RCSD1: variants seen among roughly 807,000 people sequenced by gnomAD.
RCSD1 encodes RCSD domain containing 1, also known as capZ-interacting protein.
A neutral mutation model predicts 42.5 loss-of-function variants in RCSD1; 26 were observed. That is an observed-to-expected ratio of 0.61 (90% CI 0.45 to 0.85). RCSD1 has a LOEUF of 0.85. RCSD1 is among the 40% of genes least tolerant of loss of function. The probability of loss-of-function intolerance (pLI) is 0.00; values close to 1 mark genes in which losing one functional copy is unlikely to be tolerated. For missense variants in RCSD1, 571 were observed against 528.3 expected, an observed-to-expected ratio of 1.08 and a Z score of -0.79; for synonymous variants, 220 against 212.2, an observed-to-expected ratio of 1.04 and a Z score of -0.32.
intron 1 of RCSD1, among the ~76,000 whole-genome samples, chr1:167,632,281 C>G (rs1161155736): frequency 6.6e-6 from 1 of 152,220 alleles, no homozygotes; most frequent in African/African-American, 2.4e-5. Context: ...TGCAGATTCA[C>G]TATGATGTAT....
Position 167,690,099 on chromosome 1 carries a change from G to A in RCSD1, c.249G>A (p.Ser83=), listed in dbSNP as rs370824673. 4.5e-5 allele frequency: 72 copies of A among 1,613,928 alleles called. No individual in the cohort carries two copies. Among genetic ancestry groups the A allele is most frequent in the African/African-American group, 5.3e-5 (4 of 74,876 alleles). Residue 83 remains serine, a synonymous_variant, in exon 4 of 7, where the codon TCG becomes TCA. Transcript: ENST00000367854. ...CTCCTAAATTCAAGGTCAAGAGCTC[G>A]CCTCTGATTGAGAAGCTTCAGGTAA... The part of the protein sequence containing the change: ...SHPPKFKVKS[S]PLIEKLQANL...
At chr1:167,700,202 C>T (rs1366033389) in intron 6 of RCSD1, among the ~76,000 whole-genome samples, 2 of 152,132 alleles carry the variant, frequency 1.3e-5, no homozygotes, top group Non-Finnish European at 2.9e-5. Context: ...AGAAGAGGAA[C>T]TGATGTGTTT....
chr1:167,689,128 C>A (rs1246269415), intron 3 of RCSD1, among the ~76,000 whole-genome samples: 1 of 152,108 alleles, frequency 6.6e-6, no homozygotes, highest in Admixed American at 6.5e-5. Context: ...GAATCATGCT[C>A]ATCTTTGTAT....
chr1:167,669,488 A>C (rs1272219055), intron 1 of RCSD1, among the ~76,000 whole-genome samples: 1 of 152,256 alleles, frequency 6.6e-6, no homozygotes, highest in Non-Finnish European at 1.5e-5. Context: ...TGCAGCAGGC[A>C]GGGCCTCTTT....
intron 1 of RCSD1, among the ~76,000 whole-genome samples, chr1:167,660,061 C>T (rs1322321493): frequency 6.6e-6 from 1 of 152,230 alleles, no homozygotes; most frequent in Non-Finnish European, 1.5e-5. Flanking sequence ...TTTACCCCTT[C>T]AGGATAGATT....
chr1:167,673,799 G>GC (rs1385795745), intron 1 of RCSD1, among the ~76,000 whole-genome samples: 2 of 152,114 alleles, frequency 1.3e-5, no homozygotes, highest in Non-Finnish European at 2.9e-5. Context: ...GTACCAGCCA[G>GC]CCCCTGTGCC....
chr1:167,650,511 C>T (rs1012800152), intron 1 of RCSD1, among the ~76,000 whole-genome samples: 38 of 152,104 alleles, frequency 2.5e-4, no homozygotes, highest in Non-Finnish European at 2.9e-4. Flanking sequence ...TCCTGACTCT[C>T]GAGTGTTTGG....
chr1:167,681,355 C>T (rs1021468899), intron 1 of RCSD1, among the ~76,000 whole-genome samples: 4 of 152,274 alleles, frequency 2.6e-5, no homozygotes, highest in Admixed American at 2.6e-4. Flanking sequence ...CAGTCTTCTG[C>T]AACAGAGGAT....
intron 1 of RCSD1, among the ~76,000 whole-genome samples, chr1:167,637,761 C>T (rs1657897524): frequency 6.6e-6 from 1 of 152,108 alleles, no homozygotes; most frequent in Non-Finnish European, 1.5e-5. Flanking sequence ...CACACACACA[C>T]ACACCCCTTC....
intron 3 of RCSD1, among the ~76,000 whole-genome samples, chr1:167,687,499 G>C (rs1659265632): frequency 6.6e-6 from 1 of 151,368 alleles, no homozygotes; most frequent in South Asian, 2.1e-4. Flanking sequence ...CTCCAGCCTG[G>C]GTGACACAGC....
intron 3 of RCSD1, 90 bp downstream of exon 3, chr1:167,685,600 A>G (rs1338599637): frequency 7.0e-6 from 7 of 1,005,184 alleles, no homozygotes; most frequent in South Asian, 5.5e-5. Context: ...CACCAAACTC[A>G]TACTTTAAAG....
At chr1:167,689,655 G>C (rs1300819084) in intron 3 of RCSD1, among the ~76,000 whole-genome samples, 1 of 152,102 alleles carries the variant, frequency 6.6e-6, no homozygotes, top group Non-Finnish European at 1.5e-5. Context: ...TTGTGTGTGT[G>C]ACAAACAGGA....
At chr1:167,678,648 G>A (rs1571698168) in intron 1 of RCSD1, among the ~76,000 whole-genome samples, 1 of 152,198 alleles carries the variant, frequency 6.6e-6, no homozygotes, top group African/African-American at 2.4e-5. Context: ...CTCCTCCACA[G>A]ACAGCTCCTT....
At chr1:167,652,257 G>C (rs1256808789) in intron 1 of RCSD1, among the ~76,000 whole-genome samples, 1 of 152,212 alleles carries the variant, frequency 6.6e-6, no homozygotes, top group South Asian at 2.1e-4. Flanking sequence ...CCTGGCCTCA[G>C]GTGATCTGCC....
At chr1:167,665,231 T>C (rs1337099851) in intron 1 of RCSD1, among the ~76,000 whole-genome samples, 3 of 152,210 alleles carry the variant, frequency 2.0e-5, no homozygotes, top group Non-Finnish European at 4.4e-5. Context: ...GTCATTTCTG[T>C]CTGACCTCTT....
At chr1:167,687,263 G>A (rs1659256739) in intron 3 of RCSD1, among the ~76,000 whole-genome samples, 1 of 152,160 alleles carries the variant, frequency 6.6e-6, no homozygotes, top group Non-Finnish European at 1.5e-5. Flanking sequence ...AGTGGCTCAC[G>A]CCTGTAATCC....
chr1:167,646,280 G>T (rs754098137), intron 1 of RCSD1, among the ~76,000 whole-genome samples: 1 of 152,168 alleles, frequency 6.6e-6, no homozygotes, highest in Admixed American at 6.5e-5. Flanking sequence ...GTGGTCATTC[G>T]CGCAGCAGTG....
chr1:167,663,972 A>T (rs1307267954), intron 1 of RCSD1: 1 of 152,246 alleles, frequency 6.6e-6, no homozygotes, highest in African/African-American at 2.4e-5. Flanking sequence ...TGGGGAAACT[A>T]AGGCTCAATA....
chr1:167,643,065 C>T (rs1451231765), intron 1 of RCSD1, among the ~76,000 whole-genome samples: 2 of 152,178 alleles, frequency 1.3e-5, no homozygotes, highest in Admixed American at 1.3e-4. Context: ...CAGTTCCGTG[C>T]TCTGTAAAAC....
Sources: allele counts gnomAD v4.1 joint callset (sites outside exome capture counted in the v4.1 genomes callset), GRCh38; gene constraint gnomAD v4.1.1; transcripts MANE v1.5; gene names NCBI Gene and HGNC (gene_info 2026-07-23, HGNC 2026-07-21).